The following TFAP2D variants were observed in gnomAD, a reference collection of about 807,000 sequenced individuals.
The protein encoded by TFAP2D is transcription factor AP-2-delta.
A neutral mutation model predicts 43.6 loss-of-function variants in TFAP2D; 9 were observed. The ratio of observed to expected loss-of-function variants is 0.21; its 90% confidence interval spans 0.12 to 0.36. The LOEUF (loss-of-function observed/expected upper bound fraction) is 0.36. Among genes scored for constraint, TFAP2D ranks in the 10% least tolerant of loss-of-function variants. The probability of loss-of-function intolerance (pLI) is 1.00; values close to 1 mark genes in which losing one functional copy is unlikely to be tolerated. For missense variants in TFAP2D, 513 were observed against 561.4 expected (o/e 0.91, Z 0.87); for synonymous variants, 256 against 224.9 (o/e 1.14, Z -1.24).
At chr6:50,740,483 G>A (rs1180587588) in intron 5 of TFAP2D, among the ~76,000 whole-genome samples, 1 of 152,086 alleles carries the variant, frequency 6.6e-6, no homozygotes, top group African/African-American at 2.4e-5. Context: ...GCCCAGGCTG[G>A]AGTGTAGTGG....
chr6:50,772,813 G>A lies in TFAP2D; in HGVS notation c.1308G>A (p.Arg436=). 1 of 1,614,074 alleles carries A rather than the reference G, an allele frequency of 6.2e-7. No individual in the cohort carries two copies. Among genetic ancestry groups the A allele is most frequent in the Non-Finnish European group, 8.5e-7 (1 of 1,179,982 alleles). ...GHANSEKAPL[R]KTSEAAVKEG... ...CCAACTCGGAGAAAGCTCCCCTGCG[G>A]AAAACTTCAGAGGCTGCCGTGAAAG... Residue 436 remains arginine, a synonymous_variant, in exon 8 of 8, where the codon CGG becomes CGA. Coordinates refer to ENST00000008391, the MANE Select transcript of TFAP2D (RefSeq NM_172238.4).
chr6:50,740,449 TTTGAGATGTAG>T (rs1454972375), intron 5 of TFAP2D, among the ~76,000 whole-genome samples: 1 of 152,154 alleles, frequency 6.6e-6, no homozygotes, highest in Non-Finnish European at 1.5e-5. Flanking sequence ...GTTTGTTTGT[TTTGAGATGTAG>T]TCTCACTTTG....
At chr6:50,727,687 T>C (rs951339750) in intron 3 of TFAP2D, among the ~76,000 whole-genome samples, 4 of 152,190 alleles carry the variant, frequency 2.6e-5, no homozygotes, top group African/African-American at 4.8e-5. Flanking sequence ...CTTGTCCCTT[T>C]TCTGGATATG....
At position 50,713,660 on chromosome 6, in the gene TFAP2D, C is replaced by T. The variant is rs1159725290; in HGVS notation, c.-396C>T. On this transcript the variant is annotated 5_prime_UTR_variant, in exon 1 of 8. Transcript: ENST00000008391. ...AAAATGTTGAAAGAACCTCCAGTTC[C>T]TTATTAGGCGAAGATACAATATTTA... Among the ~76,000 whole-genome samples, 1 of 152,172 alleles carries T rather than the reference C, an allele frequency of 6.6e-6. No homozygotes were observed. Among genetic ancestry groups the T allele is most frequent in the East Asian group, 1.9e-4 (1 of 5,198 alleles).
intron 3 of TFAP2D, among the ~76,000 whole-genome samples, chr6:50,724,481 G>A (rs995931790): frequency 3.2e-4 from 48 of 152,198 alleles, no homozygotes; most frequent in African/African-American, 1.1e-3. Context: ...TGGAGAGGAT[G>A]CGCGCACCGG....
intron 5 of TFAP2D, among the ~76,000 whole-genome samples, chr6:50,742,772 C>T (rs1769070274): frequency 6.6e-6 from 1 of 152,096 alleles, no homozygotes; most frequent in Non-Finnish European, 1.5e-5. Context: ...CTGTTAGTTA[C>T]AAGATACTTT....
rs2113898167 is a variant in TFAP2D, at chr6:50,772,697, T to C, written c.1192T>C (p.Phe398Leu). 6.2e-7 allele frequency: 1 copy of C among 1,614,138 alleles called. No individual in the cohort carries two copies. The highest frequency in any genetic ancestry group is 2.2e-5 in the East Asian group (1 of 44,882). The part of the protein sequence containing the change: ...TPAICAALST[F>L]QTVLSEMLNY... ...GGCAATATGTGCAGCTCTAAGCACT[T>C]TCCAAACAGTTCTCAGTGAAATGCT... Residue 398 changes from phenylalanine to leucine, a missense_variant, in exon 8 of 8, where the codon TTC (phenylalanine) becomes CTC (leucine). Coordinates refer to ENST00000008391, the MANE Select transcript of TFAP2D (RefSeq NM_172238.4).
intron 3 of TFAP2D, among the ~76,000 whole-genome samples, chr6:50,723,343 C>T (rs1170334135): frequency 6.6e-6 from 1 of 152,212 alleles, no homozygotes; most frequent in Admixed American, 6.5e-5. Context: ...CTCTGGGTTT[C>T]AGGAAGGCCC....
At chr6:50,748,966 G>T (rs1433938174) in intron 6 of TFAP2D, among the ~76,000 whole-genome samples, 3 of 151,704 alleles carry the variant, frequency 2.0e-5, no homozygotes, top group African/African-American at 7.3e-5. Flanking sequence ...ATGACATTTT[G>T]CCTTGAGATG....
chr6:50,770,804 C>T (rs942635997), intron 7 of TFAP2D, among the ~76,000 whole-genome samples: 3 of 152,110 alleles, frequency 2.0e-5, no homozygotes, highest in African/African-American at 7.2e-5. Context: ...GATTCAAAAA[C>T]TACTAATGTC....
chr6:50,760,067 A>G (rs1581777323), intron 7 of TFAP2D, among the ~76,000 whole-genome samples: 1 of 152,048 alleles, frequency 6.6e-6, no homozygotes, highest in South Asian at 2.1e-4. Flanking sequence ...AAGTATGACA[A>G]TGCATATTGG....
intron 7 of TFAP2D, among the ~76,000 whole-genome samples, chr6:50,770,412 G>A (rs1769509621): frequency 6.7e-6 from 1 of 150,280 alleles, no homozygotes; most frequent in South Asian, 2.1e-4. Flanking sequence ...TCAGAGATGG[G>A]AATTTTTTTT....
At chr6:50,718,605 A>G (rs531662474) in intron 2 of TFAP2D, among the ~76,000 whole-genome samples, 12 of 152,164 alleles carry the variant, frequency 7.9e-5, no homozygotes, top group Non-Finnish European at 1.6e-4. Context: ...GTAGGATTAC[A>G]GGATGTTCCT....
chr6:50,717,745 A>G (rs934410511), intron 2 of TFAP2D, among the ~76,000 whole-genome samples: 1 of 152,216 alleles, frequency 6.6e-6, no homozygotes, highest in African/African-American at 2.4e-5. Context: ...TAAATCTGAC[A>G]AGTTATTTTC....
intron 5 of TFAP2D, among the ~76,000 whole-genome samples, chr6:50,737,760 C>T (rs935620121): frequency 5.3e-5 from 8 of 151,790 alleles, no homozygotes; most frequent in Non-Finnish European, 1.0e-4. Flanking sequence ...TTTAAAAAGT[C>T]GTGGTATTTC....
intron 6 of TFAP2D, among the ~76,000 whole-genome samples, chr6:50,749,682 G>T (rs1769173086): frequency 6.6e-6 from 1 of 151,846 alleles, no homozygotes; most frequent in African/African-American, 2.4e-5. Flanking sequence ...TGCATTCATT[G>T]ATTAAAATAT....
intron 3 of TFAP2D, among the ~76,000 whole-genome samples, chr6:50,721,964 T>C (rs995193033): frequency 6.6e-6 from 1 of 152,246 alleles, no homozygotes; most frequent in Non-Finnish European, 1.5e-5. Flanking sequence ...TGGTTTGCAG[T>C]GGCGTGGAGG....
Position 50,715,583 on chromosome 6 carries a change from G to C in TFAP2D, c.507G>C (p.Gly169=). 1 of 1,599,534 alleles carries C rather than the reference G, an allele frequency of 6.3e-7. No individual in the cohort carries two copies. The highest frequency in any genetic ancestry group is 8.5e-7 in the Non-Finnish European group (1 of 1,171,998). Residue 169 remains glycine (G), a synonymous_variant, in exon 2 of 8, where the codon GGG becomes GGC. Transcript: ENST00000008391. ...GACTCCTGCCAGGGCCCAGCCTGGG[G>C]CTGGCCGCCGCGGGAGCAGACGACT... ...DQRLLPGPSL[G]LAAAGADDLQ... is the part of the protein sequence containing the mutation.
chr6:50,726,911 C>T (rs952141258), intron 3 of TFAP2D, among the ~76,000 whole-genome samples: 1 of 152,110 alleles, frequency 6.6e-6, no homozygotes, highest in African/African-American at 2.4e-5. Context: ...TTGTTTTTAG[C>T]TCCTAAAGCA....
Sources: gnomAD v4.1 joint callset for allele counts (sites outside exome capture counted in the v4.1 genomes callset) on GRCh38, gnomAD v4.1.1 for gene constraint, MANE v1.5 for transcripts, NCBI Gene and HGNC (gene_info 2026-07-23, HGNC 2026-07-21) for gene names.